INTS7: variants seen among roughly 807,000 people sequenced by gnomAD.
INTS7 encodes the protein integrator complex subunit 7.
In INTS7, 46 loss-of-function variants were observed where a neutral mutation model predicts 109.2. The observed-to-expected ratio is 0.42, with a 90% CI of 0.33 to 0.54. The LOEUF (loss-of-function observed/expected upper bound fraction) is 0.54, where lower values mean the gene tolerates loss of function less well. INTS7 is among the 20% of genes least tolerant of loss of function. The pLI is 0.07. For synonymous variants in INTS7, 412 were observed against 402.9 expected, an observed-to-expected ratio of 1.02 and a Z score of -0.27; for missense variants, 929 against 1,132.4, an observed-to-expected ratio of 0.82 and a Z score of 2.58.
intron 4 of INTS7, among the ~76,000 whole-genome samples, chr1:212,014,673 G>C (rs1666327479): frequency 6.6e-6 from 1 of 150,582 alleles, no homozygotes; most frequent in Admixed American, 6.6e-5. Context: ...AGCCTGCCAA[G>C]TGCCTGGGAT....
Position 211,941,646 on chromosome 1 carries a change from G to C in INTS7, c.*178C>G. The C allele has an allele frequency of 8.2e-6, 7 of 848,822 alleles. No homozygotes were observed. Among genetic ancestry groups the C allele is most frequent in the Non-Finnish European group, 1.2e-5 (7 of 566,682 alleles). 52.6% of individuals were successfully genotyped at this position (848,822 alleles called of 1,614,324 possible). A position where few individuals can be genotyped will look rare whatever the true frequency, so the allele number is the denominator to read the frequency against. On this transcript the variant is annotated 3_prime_UTR_variant, in exon 20 of 20. Transcript: ENST00000366994. ...TGGGATTACAGGCGTGAGCAACCAC[G>C]CCCAGCTGTCAGACAAAATTTTTAA... is the stretch of plus-strand genomic sequence containing the variant.
At position 211,975,371 on chromosome 1, in the gene INTS7, C is replaced by A; in HGVS notation, c.1610G>T (p.Gly537Val). Residue 537 changes from glycine to valine, a missense_variant and splice_region_variant, in exon 13 of 20, where the codon GGT becomes GTT. Gly to Val is a moderately radical substitution (Grantham distance 109, BLOSUM62 -3). Coordinates refer to ENST00000366994, the MANE Select transcript of INTS7 (RefSeq NM_015434.4). ...AAGCTCTTTGGCCATGTCATGATTA[C>A]CCTAAAAACAAAAAAAGAAAAGAAA... is the stretch of plus-strand genomic sequence containing the variant. ...YRIARQASRM[G>V]NHDMAKELYQ... The A allele has an allele frequency of 1.2e-6, 2 of 1,610,670 alleles. No homozygotes were observed. The highest frequency in any genetic ancestry group is 1.7e-6 in the Non-Finnish European group (2 of 1,178,316).
intron 7 of INTS7, among the ~76,000 whole-genome samples, chr1:211,990,792 G>A (rs967951268): frequency 6.6e-6 from 1 of 152,188 alleles, no homozygotes; most frequent in Non-Finnish European, 1.5e-5. Flanking sequence ...AGTAAGATGG[G>A]GGGGATTAGG....
chr1:211,978,543 A>G, intron 10 of INTS7, 32 bp from the exon 11 acceptor site: 1 of 1,612,222 alleles, frequency 6.2e-7, no homozygotes, highest in Non-Finnish European at 8.5e-7. Context: ...AACTAGTTAC[A>G]TTTTGAAGAT....
At chr1:211,970,076 T>C (rs1471312318) in intron 13 of INTS7, among the ~76,000 whole-genome samples, 1 of 152,090 alleles carries the variant, frequency 6.6e-6, no homozygotes, top group Non-Finnish European at 1.5e-5. Context: ...CAGGCTGGCC[T>C]CAAACTCCTG....
intron 6 of INTS7, among the ~76,000 whole-genome samples, chr1:212,006,982 T>C (rs1009417663): frequency 6.6e-6 from 1 of 152,044 alleles, no homozygotes; most frequent in Non-Finnish European, 1.5e-5. Context: ...ATTTTACAGA[T>C]ACTCAATCCT....
At chr1:211,986,693 C>T (rs780494830) in intron 8 of INTS7, among the ~76,000 whole-genome samples, 1 of 152,152 alleles carries the variant, frequency 6.6e-6, no homozygotes, top group African/African-American at 2.4e-5. Flanking sequence ...GCTACATCAC[C>T]ATATCCCCAT....
chr1:211,984,468 T>A (rs1664805570), intron 8 of INTS7, among the ~76,000 whole-genome samples: 1 of 152,166 alleles, frequency 6.6e-6, no homozygotes, highest in Non-Finnish European at 1.5e-5. Flanking sequence ...TTTTTCCCCC[T>A]ATGTACAACA....
chr1:211,948,793 G>A (rs147923721), intron 17 of INTS7, among the ~76,000 whole-genome samples: 3,977 of 152,166 alleles, frequency 0.026, 59 homozygotes, highest in African/African-American at 0.046. Context: ...CTGCACCCTC[G>A]GCCTCCCAGG....
chr1:211,965,227 C>T (rs1461714303), intron 16 of INTS7, among the ~76,000 whole-genome samples: 1 of 149,618 alleles, frequency 6.7e-6, no homozygotes, highest in African/African-American at 2.4e-5. Flanking sequence ...TAGAGAAATG[C>T]AAATCAAAAC....
intron 7 of INTS7, among the ~76,000 whole-genome samples, chr1:211,996,044 C>T (rs1665368915): frequency 6.6e-6 from 1 of 152,110 alleles, no homozygotes; most frequent in African/African-American, 2.4e-5. Context: ...ATTTCACACA[C>T]TGACAAGAGA....
At chr1:211,972,476 T>G (rs1664224087) in intron 13 of INTS7, among the ~76,000 whole-genome samples, 1 of 152,186 alleles carries the variant, frequency 6.6e-6, no homozygotes, top group African/African-American at 2.4e-5. Flanking sequence ...TTAGGGAGGT[T>G]CAACTGGCAT....
chr1:211,987,880 C>T lies in INTS7; in HGVS notation c.997+6G>A. On this transcript the variant is annotated splice_donor_region_variant and intron_variant, in intron 8 of 19. Transcript: ENST00000366994. The stretch of plus-strand genomic sequence containing the variant: ...ATTTATATGGTATCTCCTGTCTTTT[C>T]CTTACCTGGAACTATACTGAAGTAA... 6.7e-7 allele frequency: 1 copy of T among 1,484,258 alleles called. No homozygotes were observed. Among genetic ancestry groups the T allele is most frequent in the East Asian group, 2.3e-5 (1 of 43,808 alleles). 91.9% of individuals were successfully genotyped at this position (1,484,258 alleles called of 1,614,324 possible). A position where few individuals can be genotyped will look rare whatever the true frequency, so the allele number is the denominator to read the frequency against.
chr1:211,961,183 CT>C (rs1244334571), intron 16 of INTS7, among the ~76,000 whole-genome samples: 2 of 152,020 alleles, frequency 1.3e-5, no homozygotes, highest in African/African-American at 4.8e-5. Context: ...TCCACGAGAA[CT>C]TCCCCAACCT....
intron 7 of INTS7, among the ~76,000 whole-genome samples, chr1:211,988,249 T>C (rs1050584250): frequency 1.3e-5 from 2 of 151,788 alleles, no homozygotes; most frequent in Non-Finnish European, 2.9e-5. Flanking sequence ...AAGTGAGGCC[T>C]TGTCTCTACA....
At chr1:211,960,970 G>A (rs1048416034) in intron 16 of INTS7, among the ~76,000 whole-genome samples, 4 of 151,456 alleles carry the variant, frequency 2.6e-5, no homozygotes, top group Admixed American at 6.6e-5. Context: ...AACTGAGATC[G>A]CGCCACTGCA....
chr1:211,951,051 A>G (rs1276463134), intron 17 of INTS7, among the ~76,000 whole-genome samples: 4 of 152,240 alleles, frequency 2.6e-5, no homozygotes, highest in Admixed American at 1.3e-4. Flanking sequence ...TGTCAAAGGA[A>G]TTGCCCATCT....
rs2275329 is a variant in INTS7 at position 211,981,253 on chromosome 1, T to C, written c.1133-63A>G. ...ATGTGTGTACAAACACACACACATATACATGCATACACACTCTCTTAGAAA... is the reference window on the plus strand; with the variant it reads ...ATGTGTGTACAAACACACACACATACACATGCATACACACTCTCTTAGAAA... On this transcript the variant is annotated intron_variant, in intron 9 of 19. Transcript: ENST00000366994. 132 of 951,156 alleles carry C rather than the reference T, an allele frequency of 1.4e-4. No homozygotes were observed. The East Asian group carries it at 2.7e-3, about 20-fold the overall frequency. 58.9% of individuals were successfully genotyped at this position (951,156 alleles called of 1,614,324 possible).
chr1:211,976,134 C>T (rs1308619907), intron 12 of INTS7, among the ~76,000 whole-genome samples: 2 of 152,116 alleles, frequency 1.3e-5, no homozygotes, highest in African/African-American at 4.8e-5. Flanking sequence ...TTTCTATTTC[C>T]TCTCAAACAA....
Sources: gnomAD v4.1 joint callset for allele counts (sites outside exome capture counted in the v4.1 genomes callset) on GRCh38, gnomAD v4.1.1 for gene constraint, MANE v1.5 for transcripts, NCBI Gene and HGNC (gene_info 2026-07-23, HGNC 2026-07-21) for gene names.